Variants in STK31 observed in about 807,000 individuals in gnomAD.
STK31 encodes the protein serine/threonine kinase 31.
Under a neutral mutation model 129.7 loss-of-function variants are expected in STK31, and 89 were observed. The ratio of observed to expected loss-of-function variants is 0.69; its 90% CI spans 0.58 to 0.82. The LOEUF is 0.82. Ranked by LOEUF, STK31 falls within the 40% of genes least tolerant of loss-of-function variation. The pLI is 0.00. For synonymous variants in STK31, 448 were observed against 395.3 expected (o/e 1.13, Z -1.58); for missense variants, 1,187 against 1,176.4 (o/e 1.01, Z -0.13).
intron 8 of STK31, among the ~76,000 whole-genome samples, chr7:23,747,757 G>C (rs1788449560): frequency 6.6e-6 from 1 of 152,140 alleles, no homozygotes; most frequent in Admixed American, 6.6e-5. Flanking sequence ...TGTGGGACTT[G>C]AGTTGTTCAT....
At chr7:23,808,091 A>AT (rs1356241907) in intron 22 of STK31, among the ~76,000 whole-genome samples, 2 of 148,768 alleles carry the variant, frequency 1.3e-5, no homozygotes, top group Non-Finnish European at 3.0e-5. Flanking sequence ...ATATAAAGTG[A>AT]TTTTTTATTG....
intron 21 of STK31, among the ~76,000 whole-genome samples, chr7:23,789,254 A>G (rs938355855): frequency 2.6e-5 from 4 of 152,100 alleles, no homozygotes; most frequent in Non-Finnish European, 5.9e-5. Context: ...TAATGCTGCT[A>G]TGAGCTTTAG....
rs1787680516 is a variant in STK31, at chr7:23,735,782, G to T, written c.728G>T (p.Trp243Leu). 1 of 1,614,038 alleles carries T rather than the reference G, an allele frequency of 6.2e-7. No individual in the cohort carries two copies. The highest frequency in any genetic ancestry group is 1.7e-5 in the Admixed American group (1 of 60,008). The change falls in exon 7 of 24, where the codon TGG (tryptophan) becomes TTG (leucine). Residue 243 changes from tryptophan (W) to leucine (L), a missense_variant. Trp to Leu is a moderately conservative substitution (Grantham distance 61). Transcript: ENST00000355870. ...LRNLKSPIPL[W>L]GHRSNQSTFS... Reference sequence around the variant, plus strand: ...AACCTCAAAAGCCCCATTCCTTTGTGGGGGCATAGATCAAACCAGTCAACC... The same window carrying T: ...AACCTCAAAAGCCCCATTCCTTTGTTGGGGCATAGATCAAACCAGTCAACC...
At chr7:23,749,516 CTT>C (rs751693855) in intron 8 of STK31, among the ~76,000 whole-genome samples, 73 of 130,794 alleles carry the variant, frequency 5.6e-4, no homozygotes, top group Non-Finnish European at 8.6e-4. Context: ...CTAATTTTTG[CTT>C]TTTTTTTTTT....
intron 22 of STK31, among the ~76,000 whole-genome samples, chr7:23,813,290 T>G (rs1032548481): frequency 6.6e-6 from 1 of 152,142 alleles, no homozygotes; most frequent in South Asian, 2.1e-4. Context: ...AAATTTCTTT[T>G]TATTTACCTT....
At chr7:23,758,027 C>T (rs866488476) in intron 10 of STK31, among the ~76,000 whole-genome samples, 4 of 152,156 alleles carry the variant, frequency 2.6e-5, no homozygotes, top group Non-Finnish European at 1.5e-5. Context: ...CAGCACATGT[C>T]GTAGGGAGCA....
rs1258247759 is a variant in STK31 at position 23,710,299 on chromosome 7, G to A, written c.14G>A (p.Gly5Asp). 1.2e-6 allele frequency: 2 copies of A among 1,613,322 alleles called. No homozygotes were observed. The highest frequency in any genetic ancestry group is 1.1e-5 in the South Asian group (1 of 90,758). Residue 5 changes from glycine (G) to aspartate (D), a missense_variant, in exon 1 of 24, where the codon GGT becomes GAT. Gly to Asp is a moderately conservative substitution (Grantham distance 94). Transcript: ENST00000355870. ...CGAAAGTCCAGTATGTGGGTCCAGG[G>A]TCACTCTTCTAGAGCTTCCGCAACG... Reference protein sequence around the residue: MWVQGHSSRASATES... With the variant: MWVQDHSSRASATES...
chr7:23,762,932 TA>T lies in STK31; in HGVS notation c.1416+14del. 6.5e-7 allele frequency: 1 copy of T among 1,547,104 alleles called. No individual in the cohort carries two copies. Among genetic ancestry groups the T allele is most frequent in the African/African-American group, 1.4e-5 (1 of 71,444 alleles). On this transcript the variant is annotated intron_variant, in intron 11 of 23. Coordinates refer to ENST00000355870, the MANE Select transcript of STK31 (RefSeq NM_031414.5). ...GCTTAAAAACATTGCAGGTTGGAAT[TA>T]AAAATATATTAAATATACGTTAAAT... is the stretch of plus-strand genomic sequence containing the variant.
chr7:23,738,158 C>T (rs2128082339), intron 8 of STK31, among the ~76,000 whole-genome samples: 1 of 152,264 alleles, frequency 6.6e-6, no homozygotes, highest in South Asian at 2.1e-4. Flanking sequence ...AGATAATTCA[C>T]TAGAACTACT....
At chr7:23,812,413 C>CTT (rs66609610) in intron 22 of STK31, among the ~76,000 whole-genome samples, 4 of 110,776 alleles carry the variant, frequency 3.6e-5, no homozygotes, top group African/African-American at 6.9e-5. Context: ...CATTCCTTTC[C>CTT]TTTTTTTTTT....
At position 23,771,080 on chromosome 7, in the gene STK31, A is replaced by G. The variant is rs1239443901; in HGVS notation, c.1789A>G (p.Arg597Gly). ...QVLQKIHSEERLIATVQAKYK... is the reference protein window; with the variant it reads ...QVLQKIHSEEGLIATVQAKYK... ...ACTGCAAAAGATTCATTCAGAGGAA[A>G]GGCTCATTGCCACAGTACAAGCTAA... The change falls in exon 14 of 24, where the codon AGG becomes GGG. Residue 597 changes from arginine to glycine, a missense_variant. Transcript: ENST00000355870. The G allele has an allele frequency of 6.2e-7, 1 of 1,613,094 alleles. No individual in the cohort carries two copies. Among genetic ancestry groups the G allele is most frequent in the East Asian group, 2.2e-5 (1 of 44,764 alleles).
At chr7:23,753,771 C>T (rs1214714614) in intron 9 of STK31, among the ~76,000 whole-genome samples, 1 of 152,120 alleles carries the variant, frequency 6.6e-6, no homozygotes, top group African/African-American at 2.4e-5. Context: ...ATTGCTTTTT[C>T]TTAAATGTGT....
intron 11 of STK31, among the ~76,000 whole-genome samples, chr7:23,765,539 C>T (rs1460404323): frequency 6.8e-6 from 1 of 147,016 alleles, no homozygotes; most frequent in South Asian, 2.2e-4. Flanking sequence ...CTCTCTTTTT[C>T]TAACTTACAC....
chr7:23,760,807 G>A (rs1562579772), intron 10 of STK31, among the ~76,000 whole-genome samples: 1 of 151,608 alleles, frequency 6.6e-6, no homozygotes, highest in Non-Finnish European at 1.5e-5. Flanking sequence ...TACAGGCGGT[G>A]TACTACCAAC....
chr7:23,741,802 C>A (rs953188199), intron 8 of STK31, among the ~76,000 whole-genome samples: 1 of 152,180 alleles, frequency 6.6e-6, no homozygotes, highest in Non-Finnish European at 1.5e-5. Context: ...CTCACAGCAG[C>A]CTATAGCAGA....
chr7:23,806,955 C>G (rs1366020491), intron 22 of STK31, among the ~76,000 whole-genome samples: 1 of 150,200 alleles, frequency 6.7e-6, no homozygotes, highest in Non-Finnish European at 1.5e-5. Flanking sequence ...TCACTAATCT[C>G]TTTAGTACCC....
chr7:23,806,901 GAAAAAAAAA>G lies in STK31; in HGVS notation c.2761-8230_2761-8222del, dbSNP rs34751124. Among the ~76,000 whole-genome samples the G allele has an allele frequency of 1.5e-3, 117 of 76,006 alleles. 2 individuals carry two copies. The East Asian group carries it at 0.034, about 22-fold the overall frequency. The allele number at this position is 76,006 out of a possible 152,430, so 49.9% of individuals were successfully genotyped here. On this transcript the variant is annotated intron_variant, in intron 22 of 23. Transcript: ENST00000355870. ...GGTGACAGAGCAAGACTCCGTCTCAGAAAAAAAAAAAAAAAAAAAAAGAGAGATACAGGA... is the reference window on the plus strand; with the variant it reads ...GGTGACAGAGCAAGACTCCGTCTCAGAAAAAAAAAAAAGAGAGATACAGGA...
At chr7:23,806,548 A>G (rs1473935340) in intron 22 of STK31, among the ~76,000 whole-genome samples, 5 of 152,200 alleles carry the variant, frequency 3.3e-5, no homozygotes, top group Non-Finnish European at 7.3e-5. Flanking sequence ...CTAACATCAT[A>G]ATGAAGCAGA....
At position 23,762,822 on chromosome 7, in the gene STK31, G is replaced by A; in HGVS notation, c.1315G>A (p.Ala439Thr). ...CCAGAGTGAAGGGAATATTTTGATT[G>A]CCCAAAGAAATGAAATGCAGCAGAA... is the stretch of plus-strand genomic sequence containing the variant. ...EYVSEGNILI[A>T]QRNEMQQKLY... Residue 439 changes from alanine (A) to threonine (T), a missense_variant, in exon 11 of 24, where the codon GCC (alanine) becomes ACC (threonine). Coordinates refer to ENST00000355870, the MANE Select transcript of STK31 (RefSeq NM_031414.5). 6.2e-7 allele frequency: 1 copy of A among 1,608,926 alleles called. No individual in the cohort carries two copies. The highest frequency in any genetic ancestry group is 1.3e-5 in the African/African-American group (1 of 74,840).
Sources: gnomAD v4.1 joint callset for allele counts (sites outside exome capture counted in the v4.1 genomes callset) on GRCh38, gnomAD v4.1.1 for gene constraint, MANE v1.5 for transcripts, NCBI Gene and HGNC (gene_info 2026-07-23, HGNC 2026-07-21) for gene names.